Variants in NBAS observed in about 807,000 individuals in gnomAD.
NBAS encodes NBAS subunit of NRZ tethering complex.
A neutral mutation model predicts 302.5 loss-of-function variants in NBAS; 219 were observed. The observed-to-expected ratio is 0.72, with a 90% confidence interval of 0.65 to 0.81. NBAS has a LOEUF of 0.81. Among genes scored for constraint, NBAS ranks in the 30% least tolerant of loss-of-function variants. The pLI is 0.00. For missense variants in NBAS, 2,932 were observed against 2,841.6 expected (o/e 1.03, Z -0.72); for synonymous variants, 1,118 against 1,021.6 (o/e 1.09, Z -1.80).
chr2:15,255,188 G>A (rs925872690), intron 44 of NBAS, among the ~76,000 whole-genome samples: 1 of 152,124 alleles, frequency 6.6e-6, no homozygotes, highest in African/African-American at 2.4e-5. Context: ...CACCAGCAGT[G>A]TAAAGATGTT....
At chr2:15,200,756 T>C (rs942582293) in intron 48 of NBAS, among the ~76,000 whole-genome samples, 2 of 152,218 alleles carry the variant, frequency 1.3e-5, no homozygotes, top group Non-Finnish European at 2.9e-5. Flanking sequence ...AGCTGCAGCC[T>C]TCTTATCAGA....
rs398104057 is a variant in NBAS, at chr2:15,391,378, T to TTA, written c.3257+2848_3257+2849insTA. ...AAACCAAAATTGAACTCTTAGAGATTAAAAAAAAAACTCTTAATGAAAAAT... is the reference window on the plus strand; with the variant it reads ...AAACCAAAATTGAACTCTTAGAGATTTAAAAAAAAAAACTCTTAATGAAAAAT... On this transcript the variant is annotated intron_variant, in intron 28 of 51. Coordinates refer to ENST00000281513, the MANE Select transcript of NBAS (RefSeq NM_015909.4). Among the ~76,000 whole-genome samples, 1,031 of 145,112 alleles carry TTA rather than the reference T, an allele frequency of 7.1e-3. 13 individuals carry two copies. The highest frequency in any genetic ancestry group is 0.023 in the African/African-American group (919 of 39,522).
At chr2:15,482,004 A>G (rs1213018235) in intron 12 of NBAS, among the ~76,000 whole-genome samples, 1 of 152,204 alleles carries the variant, frequency 6.6e-6, no homozygotes, top group Non-Finnish European at 1.5e-5. Context: ...ATCTGGACAG[A>G]CAGGCCTTGC....
At chr2:15,409,171 T>C (rs1676564437) in intron 25 of NBAS, among the ~76,000 whole-genome samples, 1 of 152,218 alleles carries the variant, frequency 6.6e-6, no homozygotes, top group Admixed American at 6.5e-5. Context: ...AGATTTACGG[T>C]TTTCCTTTGA....
chr2:14,924,325 TG>T, the NBAS span, among the ~76,000 whole-genome samples: 1 of 152,332 alleles, frequency 6.6e-6, no homozygotes, highest in Admixed American at 6.5e-5. Flanking sequence ...ATGGACTAGT[TG>T]GTGCTCATTT....
the NBAS span, among the ~76,000 whole-genome samples, chr2:14,937,316 A>G: frequency 2.6e-5 from 4 of 152,210 alleles, no homozygotes; most frequent in Non-Finnish European, 5.9e-5. Flanking sequence ...TGCACTGGTT[A>G]CCAATTTGTC....
At chr2:14,826,588 C>G in the NBAS span, among the ~76,000 whole-genome samples, 5 of 152,228 alleles carry the variant, frequency 3.3e-5, no homozygotes, top group African/African-American at 9.6e-5. Context: ...CTCATGGCAG[C>G]TCCATGCAGA....
chr2:15,419,557 G>A (rs1183399925), intron 23 of NBAS, among the ~76,000 whole-genome samples: 1 of 152,094 alleles, frequency 6.6e-6, no homozygotes, highest in Non-Finnish European at 1.5e-5. Context: ...GAGCAGGTGG[G>A]ACTAAAGGCG....
chr2:15,021,913 G>T, the NBAS span, among the ~76,000 whole-genome samples: 3 of 152,170 alleles, frequency 2.0e-5, no homozygotes, highest in East Asian at 1.9e-4. Flanking sequence ...GACTTTGAGG[G>T]TTCAGGTTCC....
intron 44 of NBAS, among the ~76,000 whole-genome samples, chr2:15,261,664 A>C (rs142650361): frequency 5.5e-4 from 83 of 152,286 alleles, no homozygotes; most frequent in African/African-American, 1.9e-3. Context: ...AAGCTAATAC[A>C]TTCCTAAGTT....
At chr2:14,869,523 T>G in the NBAS span, among the ~76,000 whole-genome samples, 1 of 152,208 alleles carries the variant, frequency 6.6e-6, no homozygotes, top group Non-Finnish European at 1.5e-5. Context: ...TCAAAGTTTT[T>G]TAATGAGACC....
At chr2:15,306,031 C>G (rs953690499) in intron 40 of NBAS, among the ~76,000 whole-genome samples, 2 of 152,212 alleles carry the variant, frequency 1.3e-5, no homozygotes, top group Middle Eastern at 3.2e-3. Flanking sequence ...TAAAGCTTCA[C>G]TGTGTTTCAA....
chr2:15,444,280 A>T (rs1443013935), intron 21 of NBAS, among the ~76,000 whole-genome samples: 5 of 152,240 alleles, frequency 3.3e-5, no homozygotes, highest in Non-Finnish European at 7.3e-5. Context: ...TAACCAAAAC[A>T]GCATGGTATT....
chr2:15,143,012 C>A, the NBAS span, among the ~76,000 whole-genome samples: 3 of 152,152 alleles, frequency 2.0e-5, no homozygotes, highest in Non-Finnish European at 2.9e-5. Context: ...CAAACTGGTC[C>A]GTGCAGTATT....
At chr2:14,959,940 T>C in the NBAS span, among the ~76,000 whole-genome samples, 1 of 152,234 alleles carries the variant, frequency 6.6e-6, no homozygotes, top group African/African-American at 2.4e-5. Context: ...AAACTACTTT[T>C]TCAGCTGGAT....
At chr2:15,500,502 TCA>T (rs72095633) in intron 11 of NBAS, among the ~76,000 whole-genome samples, 17,803 of 136,030 alleles carry the variant, frequency 0.13, 1,579 homozygotes, top group African/African-American at 0.28. Flanking sequence ...TTTAGAAGTC[TCA>T]CACACACACA....
intron 40 of NBAS, among the ~76,000 whole-genome samples, chr2:15,302,991 T>C (rs917155689): frequency 2.0e-5 from 3 of 152,214 alleles, no homozygotes; most frequent in Admixed American, 2.0e-4. Context: ...TTAGTGGCTC[T>C]TGGGCTTTCA....
chr2:15,514,295 T>C (rs1469789492), intron 9 of NBAS, among the ~76,000 whole-genome samples: 5 of 152,130 alleles, frequency 3.3e-5, no homozygotes, highest in Non-Finnish European at 5.9e-5. Flanking sequence ...TGTACATGCT[T>C]CAAATTTTCC....
At chr2:15,334,720 G>T (rs1672501311) in intron 35 of NBAS, among the ~76,000 whole-genome samples, 1 of 152,172 alleles carries the variant, frequency 6.6e-6, no homozygotes, top group South Asian at 2.1e-4. Context: ...ATTACAGCCA[G>T]CATATATTCT....
Sources: allele counts gnomAD v4.1 joint callset (sites outside exome capture counted in the v4.1 genomes callset), GRCh38; gene constraint gnomAD v4.1.1; transcripts MANE v1.5; gene names NCBI Gene and HGNC (gene_info 2026-07-23, HGNC 2026-07-21).